The following SEMA4B variants were observed in gnomAD, a reference collection of about 807,000 sequenced individuals.
SEMA4B encodes the protein semaphorin-4B.
SEMA4B carries 55 observed loss-of-function variants against 88.1 expected under a neutral mutation model. The ratio of observed to expected loss-of-function variants is 0.62; its 90% CI spans 0.50 to 0.78. The LOEUF (loss-of-function observed/expected upper bound fraction) is 0.78. SEMA4B is among the 30% of genes least tolerant of loss of function. SEMA4B has a pLI of 0.00. For synonymous variants in SEMA4B, 525 were observed against 473.6 expected (o/e 1.11, Z -1.41); for missense variants, 1,062 against 1,111.9 (o/e 0.96, Z 0.64).
intron 1 of SEMA4B, among the ~76,000 whole-genome samples, chr15:90,204,376 C>G (rs966219456): frequency 2.0e-5 from 3 of 152,194 alleles, no homozygotes; most frequent in African/African-American, 7.2e-5. Flanking sequence ...GAGCGTCCAG[C>G]TTGCCCTGCA....
intron 1 of SEMA4B, chr15:90,206,985 CA>C (rs1227507955): frequency 4.2e-6 from 2 of 479,728 alleles, no homozygotes; most frequent in Non-Finnish European, 7.4e-6. Context: ...ATCTTTGGCT[CA>C]CAAAAAAAAC....
Position 90,225,250 on chromosome 15 carries a change from C to T in SEMA4B, c.1406-32C>T, listed in dbSNP as rs377080533. ...CTGGTGGGTCATGGGCAGTGGGCTCCACCCAGGGCCTGAGTCCTGTCCACA... is the reference window on the plus strand; with the variant it reads ...CTGGTGGGTCATGGGCAGTGGGCTCTACCCAGGGCCTGAGTCCTGTCCACA... On this transcript the variant is annotated intron_variant, in intron 10 of 13. Transcript: ENST00000411539. 1.3e-4 allele frequency: 197 copies of T among 1,554,042 alleles called. 2 individuals carry two copies. In the African/African-American group the frequency reaches 2.3e-3, roughly 18 times the overall value.
intron 1 of SEMA4B, among the ~76,000 whole-genome samples, chr15:90,210,584 A>G (rs1415863071): frequency 6.6e-6 from 1 of 152,208 alleles, no homozygotes; most frequent in Non-Finnish European, 1.5e-5. Flanking sequence ...GTAATAAAAC[A>G]CAGCAGCCTT....
In SEMA4B at chr15:90,229,521, C is replaced by T. The variant is rs1247376668; in HGVS notation, c.*878C>T. ...CTCTCCCCAGTCCCCAGTTCACCCT[C>T]CATCCCTCACCTTCCTCCACTCTAA... On this transcript the variant is annotated 3_prime_UTR_variant, in exon 14 of 14. Transcript: ENST00000411539. The T allele has an allele frequency of 7.4e-6, 3 of 407,952 alleles. No individual in the cohort carries two copies. The highest frequency in any genetic ancestry group is 1.5e-5 in the Non-Finnish European group (3 of 201,186). The allele number at this position is 407,952 out of a possible 1,614,324, so 25.3% of individuals were successfully genotyped here.
upstream of SEMA4B, among the ~76,000 whole-genome samples, chr15:90,199,528 T>A (rs1294470358): frequency 2.0e-5 from 3 of 151,884 alleles, no homozygotes; most frequent in Admixed American, 2.0e-4. Flanking sequence ...GACAGCCAAG[T>A]AGAAATATTG....
intron 5 of SEMA4B, 104 bp downstream of exon 5, chr15:90,221,197 A>C: frequency 1.8e-6 from 2 of 1,112,130 alleles, no homozygotes; most frequent in Non-Finnish European, 2.7e-6. Context: ...GCTTATTTCC[A>C]AGGGGACAGA....
intron 1 of SEMA4B, among the ~76,000 whole-genome samples, chr15:90,194,626 CATTT>C (rs1366010690): frequency 3.9e-5 from 6 of 152,234 alleles, no homozygotes; most frequent in Admixed American, 2.6e-4. Flanking sequence ...CTGTCTCACC[CATTT>C]ATTTATTTAC....
intron 1 of SEMA4B, among the ~76,000 whole-genome samples, chr15:90,213,764 C>T (rs1961386369): frequency 6.6e-6 from 1 of 152,232 alleles, no homozygotes; most frequent in Admixed American, 6.5e-5. Flanking sequence ...TTATCTGAAC[C>T]AGCCCTTGCT....
At chr15:90,187,276 C>A (rs116237714) in intron 1 of SEMA4B, among the ~76,000 whole-genome samples, 506 of 152,332 alleles carry the variant, frequency 3.3e-3, no homozygotes, top group African/African-American at 0.012. Context: ...TGCCTCTATC[C>A]GTGTGGTGCT....
intron 1 of SEMA4B, among the ~76,000 whole-genome samples, chr15:90,209,665 CGT>C (rs1432797770): frequency 3.3e-5 from 5 of 152,174 alleles, no homozygotes; most frequent in African/African-American, 9.7e-5. Flanking sequence ...CACTACAAGA[CGT>C]GTGAACAGGA....
chr15:90,229,637 A>C lies in SEMA4B; in HGVS notation c.*994A>C. On this transcript the variant is annotated 3_prime_UTR_variant, in exon 14 of 14. Coordinates refer to ENST00000411539, the MANE Select transcript of SEMA4B (RefSeq NM_198925.4). Reference sequence around the variant, plus strand: ...GATGCACTTTATGTCATTTTTTAATAAAGTCTGAAGAATTACTGTTTAATC... The same window carrying C: ...GATGCACTTTATGTCATTTTTTAATCAAGTCTGAAGAATTACTGTTTAATC... The C allele has an allele frequency of 3.0e-6, 1 of 337,852 alleles. No individual in the cohort carries two copies. The highest frequency in any genetic ancestry group is 2.2e-5 in the South Asian group (1 of 44,476). 20.9% of individuals were successfully genotyped at this position (337,852 alleles called of 1,614,324 possible).
At position 90,225,717 on chromosome 15, in the gene SEMA4B, C is replaced by T; in HGVS notation, c.1578C>T (p.Cys526=). 5 of 1,569,414 alleles carry T rather than the reference C, an allele frequency of 3.2e-6. No homozygotes were observed. Among genetic ancestry groups the T allele is most frequent in the Non-Finnish European group, 4.3e-6 (5 of 1,158,212 alleles). ...TAGTCCAGGTGCCCATGGCCAACTGCAGCCTGTACAGGAGCTGTGGGGACT... is the reference window on the plus strand; with the variant it reads ...TAGTCCAGGTGCCCATGGCCAACTGTAGCCTGTACAGGAGCTGTGGGGACT... The part of the protein sequence containing the change: ...SGVVQVPMAN[C]SLYRSCGDCL... The change falls in exon 12 of 14, where the codon TGC becomes TGT. Residue 526 remains cysteine, a synonymous_variant. Transcript: ENST00000411539.
rs924996401 is a variant in SEMA4B at position 90,225,029 on chromosome 15, T to C, written c.1256T>C (p.Val419Ala). Residue 419 changes from valine to alanine, a missense_variant, in exon 10 of 14, where the codon GTG (valine) becomes GCG (alanine). Val to Ala is a moderately conservative substitution (Grantham distance 64). Coordinates refer to ENST00000411539, the MANE Select transcript of SEMA4B (RefSeq NM_198925.4). ...TCATCCCTGCAGCTCCCAGACCGCG[T>C]GCTGAACTTCCTCAAGGACCACTTC... ...INSSLQLPDR[V>A]LNFLKDHFLM... is the part of the protein sequence containing the mutation. The C allele has an allele frequency of 6.2e-7, 1 of 1,613,802 alleles. No homozygotes were observed. Among genetic ancestry groups the C allele is most frequent in the African/African-American group, 1.3e-5 (1 of 74,916 alleles).
intron 1 of SEMA4B, chr15:90,193,236 C>T (rs1960399121): frequency 6.6e-6 from 1 of 152,246 alleles, no homozygotes; most frequent in Non-Finnish European, 1.5e-5. Flanking sequence ...TTGGGAACCG[C>T]TCCCGCTCGC....
At position 90,221,751 on chromosome 15, in the gene SEMA4B, G is replaced by T; in HGVS notation, c.847G>T (p.Ala283Ser). The change falls in exon 7 of 14, where the codon GCC becomes TCC. Residue 283 changes from alanine (A) to serine (S), a missense_variant. Coordinates refer to ENST00000411539, the MANE Select transcript of SEMA4B (RefSeq NM_198925.4). Reference sequence around the variant, plus strand: ...TGAGAACACCATTGTGTCCCGCATTGCCCGCATCTGCAAGGTGAGGGGAAC... The same window carrying T: ...TGAGAACACCATTGTGTCCCGCATTTCCCGCATCTGCAAGGTGAGGGGAAC... The part of the protein sequence containing the change: ...FFENTIVSRI[A>S]RICKGDEGGE... The T allele has an allele frequency of 6.2e-7, 1 of 1,613,836 alleles. No individual in the cohort carries two copies. Among genetic ancestry groups the T allele is most frequent in the Non-Finnish European group, 8.5e-7 (1 of 1,179,860 alleles).
chr15:90,221,548 T>A, intron 6 of SEMA4B, 66 bp from the exon 7 acceptor site: 2 of 1,607,468 alleles, frequency 1.2e-6, no homozygotes, highest in Non-Finnish European at 1.7e-6. Flanking sequence ...GGGGGCACTT[T>A]CCCCCAGCTT....
At chr15:90,202,932 CCT>C (rs1408692444) in intron 1 of SEMA4B, among the ~76,000 whole-genome samples, 1 of 152,166 alleles carries the variant, frequency 6.6e-6, no homozygotes, top group Admixed American at 6.5e-5. Flanking sequence ...TACCTGAACC[CCT>C]GTCTGAAATA....
intron 11 of SEMA4B, 83 bp downstream of exon 11, chr15:90,225,480 C>A: frequency 7.3e-7 from 1 of 1,363,816 alleles, no homozygotes; most frequent in Non-Finnish European, 1.0e-6. Flanking sequence ...CCAGCTTCTC[C>A]TCCCTTGCCT....
chr15:90,224,619 G>T (rs1042184308), intron 9 of SEMA4B, among the ~76,000 whole-genome samples: 1 of 152,216 alleles, frequency 6.6e-6, no homozygotes, highest in African/African-American at 2.4e-5. Flanking sequence ...ACTGCCGACT[G>T]CACTGGGACG....
Sources: gnomAD v4.1 joint callset for allele counts (sites outside exome capture counted in the v4.1 genomes callset) on GRCh38, gnomAD v4.1.1 for gene constraint, MANE v1.5 for transcripts, NCBI Gene and HGNC (gene_info 2026-07-23, HGNC 2026-07-21) for gene names.